The following COL11A1 variants were observed in gnomAD, a reference collection of about 807,000 sequenced individuals.
COL11A1 encodes the protein collagen alpha-1(XI) chain.
COL11A1 carries 74 observed loss-of-function variants against 265.2 expected under a neutral mutation model. That is an observed-to-expected ratio of 0.28 (90% CI 0.23 to 0.34). The LOEUF is 0.34. Ranked by LOEUF, COL11A1 falls within the 10% of genes least tolerant of loss-of-function variation. The pLI, the probability that COL11A1 is intolerant of heterozygous loss-of-function variation, is 1.00. For synonymous variants in COL11A1, 816 were observed against 727.6 expected (o/e 1.12, Z -1.96); for missense variants, 2,165 against 2,263.6 (o/e 0.96, Z 0.88).
At chr1:103,024,696 A>G (rs58181035) in intron 7 of COL11A1, among the ~76,000 whole-genome samples, 4,632 of 152,224 alleles carry the variant, frequency 0.03, 265 homozygotes, top group African/African-American at 0.11. Flanking sequence ...CATCTAAAAG[A>G]AAGTTAAAAT....
chr1:102,942,565 G>T (rs565463511), intron 42 of COL11A1, among the ~76,000 whole-genome samples: 1 of 151,500 alleles, frequency 6.6e-6, no homozygotes, highest in Non-Finnish European at 1.5e-5. Flanking sequence ...TTCCATTTAC[G>T]TTAATAACTA....
chr1:103,010,612 C>G (rs1666028072), intron 14 of COL11A1, among the ~76,000 whole-genome samples: 1 of 151,996 alleles, frequency 6.6e-6, no homozygotes, highest in Non-Finnish European at 1.5e-5. Context: ...CCGTTAGCCT[C>G]TATGAATCCA....
chr1:102,995,796 C>G (rs753752277), intron 28 of COL11A1, 68 bp downstream of exon 28: 60 of 1,285,676 alleles, frequency 4.7e-5, no homozygotes, highest in Non-Finnish European at 6.3e-5. Flanking sequence ...AATAAAATGT[C>G]TGTTGAATAA....
intron 37 of COL11A1, among the ~76,000 whole-genome samples, chr1:102,966,046 A>T (rs1405124396): frequency 1.3e-5 from 2 of 152,216 alleles, no homozygotes; most frequent in African/African-American, 4.8e-5. Context: ...GCGTTTATCA[A>T]TATTCTTTCT....
intron 2 of COL11A1, among the ~76,000 whole-genome samples, chr1:103,080,584 A>C (rs1024405520): frequency 6.6e-6 from 1 of 151,908 alleles, no homozygotes; most frequent in Non-Finnish European, 1.5e-5. Flanking sequence ...CAACATCGTT[A>C]ATCATTAGGA....
At chr1:102,991,097 A>C (rs554159683) in intron 28 of COL11A1, among the ~76,000 whole-genome samples, 3 of 152,208 alleles carry the variant, frequency 2.0e-5, no homozygotes, top group South Asian at 4.1e-4. Flanking sequence ...ATTTTGGTAC[A>C]GATGAAGTAG....
chr1:102,883,224 A>C lies in COL11A1; in HGVS notation c.4946T>G (p.Ile1649Ser). The C allele has an allele frequency of 6.2e-7, 1 of 1,613,174 alleles. No homozygotes were observed. Among genetic ancestry groups the C allele is most frequent in the Non-Finnish European group, 8.5e-7 (1 of 1,179,282 alleles). The part of the protein sequence containing the change: ...CNFTSGGETC[I>S]YPDKKSEGVR... Reference sequence around the variant, plus strand: ...TCCCTCAGATTTTTTGTCTGGATAAATGCAAGTCTCACCACCAGATGTGAA... The same window carrying C: ...TCCCTCAGATTTTTTGTCTGGATAACTGCAAGTCTCACCACCAGATGTGAA... Residue 1649 changes from isoleucine (I) to serine (S), a missense_variant, in exon 64 of 67, where the codon ATT (isoleucine) becomes AGT (serine). Transcript: ENST00000370096.
intron 4 of COL11A1, among the ~76,000 whole-genome samples, chr1:103,047,575 C>G (rs1197250114): frequency 2.0e-5 from 3 of 152,124 alleles, no homozygotes; most frequent in Middle Eastern, 3.2e-3. Flanking sequence ...TTCCTCTTTT[C>G]CTAATTGAAT....
At position 103,045,774 on chromosome 1, in the gene COL11A1, C is replaced by T. The variant is rs566927391; in HGVS notation, c.652-14530G>A. On this transcript the variant is annotated intron_variant, in intron 4 of 66. Transcript: ENST00000370096. Reference sequence around the variant, plus strand: ...CTAATGCTATCCCTCCCCCCTACCCCCACCCCACAACAGTCCCCGGTGTGT... The same window carrying T: ...CTAATGCTATCCCTCCCCCCTACCCTCACCCCACAACAGTCCCCGGTGTGT... Among the ~76,000 whole-genome samples the T allele has an allele frequency of 4.7e-5, 7 of 148,452 alleles. No homozygotes were observed. The East Asian group carries it at 1.0e-3, about 21-fold the overall frequency.
At chr1:102,965,416 A>C in intron 38 of COL11A1, 71 bp downstream of exon 38, 1 of 1,342,490 alleles carries the variant, frequency 7.4e-7, no homozygotes, top group South Asian at 1.2e-5. Flanking sequence ...AGAAGATTTT[A>C]CACAACTTAG....
intron 31 of COL11A1, among the ~76,000 whole-genome samples, chr1:102,981,506 T>C (rs772445573): frequency 3.3e-5 from 5 of 152,082 alleles, no homozygotes; most frequent in Non-Finnish European, 7.4e-5. Context: ...TTTTCATAAA[T>C]GTATATACTT....
At position 103,008,527 on chromosome 1, in the gene COL11A1, A is replaced by G; in HGVS notation, c.1630-11T>C. The G allele has an allele frequency of 1.2e-6, 2 of 1,613,040 alleles. No individual in the cohort carries two copies. The highest frequency in any genetic ancestry group is 2.2e-5 in the South Asian group (2 of 91,030). On this transcript the variant is annotated splice_polypyrimidine_tract_variant and intron_variant, in intron 14 of 66. Coordinates refer to ENST00000370096, the MANE Select transcript of COL11A1 (RefSeq NM_001854.4). ...TGAACCAGGCCCCCCCTATAGAGAA[A>G]AAGTGAAGATATTTCACTTAATTTA...
At chr1:102,907,069 A>G (rs1654066769) in intron 54 of COL11A1, among the ~76,000 whole-genome samples, 1 of 151,842 alleles carries the variant, frequency 6.6e-6, no homozygotes, top group Non-Finnish European at 1.5e-5. Flanking sequence ...AAAAGAGAAA[A>G]CCCTGCATAT....
At chr1:103,050,227 T>G (rs1485483117) in intron 4 of COL11A1, among the ~76,000 whole-genome samples, 1 of 152,244 alleles carries the variant, frequency 6.6e-6, no homozygotes, top group African/African-American at 2.4e-5. Flanking sequence ...CCCCGTCACT[T>G]TCAGGTACAC....
chr1:103,097,832 T>C (rs1673906042), intron 1 of COL11A1, among the ~76,000 whole-genome samples: 1 of 152,016 alleles, frequency 6.6e-6, no homozygotes, highest in Admixed American at 6.6e-5. Context: ...GATCATCATA[T>C]TGTCTGTGTA....
intron 48 of COL11A1, among the ~76,000 whole-genome samples, 161 bp from the exon 49 acceptor site, chr1:102,920,525 T>A (rs536935416): frequency 6.6e-6 from 1 of 152,312 alleles, no homozygotes; most frequent in Non-Finnish European, 1.5e-5. Flanking sequence ...TTGTCAAATG[T>A]GTTGGAAAGC....
chr1:103,024,280 G>GCATGCC (rs897225609), intron 7 of COL11A1, among the ~76,000 whole-genome samples: 3 of 152,078 alleles, frequency 2.0e-5, no homozygotes, highest in Non-Finnish European at 2.9e-5. Flanking sequence ...GCATGCACCA[G>GCATGCC]CATGCCCAGC....
At position 103,012,482 on chromosome 1, in the gene COL11A1, A is replaced by G; in HGVS notation, c.1573-13T>C. ...CTCTCAGAGCAATCTAGAAAACAAA[A>G]TATATCAAATTCAGTAATATTCTCC... On this transcript the variant is annotated splice_polypyrimidine_tract_variant and intron_variant, in intron 13 of 66. Transcript: ENST00000370096. 1 of 1,604,276 alleles carries G rather than the reference A, an allele frequency of 6.2e-7. No individual in the cohort carries two copies. The highest frequency in any genetic ancestry group is 8.5e-7 in the Non-Finnish European group (1 of 1,171,566).
chr1:102,944,484 G>T (rs907039987), intron 42 of COL11A1, among the ~76,000 whole-genome samples: 2 of 152,066 alleles, frequency 1.3e-5, no homozygotes, highest in African/African-American at 4.8e-5. Context: ...TCCTTGGCTG[G>T]GATAACTGAA....
Sources: gnomAD v4.1 joint callset for allele counts (sites outside exome capture counted in the v4.1 genomes callset) on GRCh38, gnomAD v4.1.1 for gene constraint, MANE v1.5 for transcripts, NCBI Gene and HGNC (gene_info 2026-07-23, HGNC 2026-07-21) for gene names.